KLF12: variants seen among roughly 807,000 people sequenced by gnomAD.
KLF12 encodes the protein KLF transcription factor 12.
KLF12 carries 9 observed loss-of-function variants against 37.8 expected under a neutral mutation model. The ratio of observed to expected loss-of-function variants is 0.24; its 90% CI spans 0.14 to 0.42. The LOEUF is 0.42. Ranked by LOEUF, KLF12 falls within the 10% of genes least tolerant of loss-of-function variation. The pLI is 1.00. For synonymous variants in KLF12, 208 were observed against 202.1 expected (o/e 1.03, Z -0.25); for missense variants, 411 against 516.0 (o/e 0.80, Z 1.97).
intron 1 of KLF12, among the ~76,000 whole-genome samples, chr13:74,017,915 A>G (rs1892741516): frequency 6.6e-6 from 1 of 152,080 alleles, no homozygotes; most frequent in Non-Finnish European, 1.5e-5. Context: ...GTCACCAAGG[A>G]GCACTGTCAT....
chr13:74,230,217 A>G, the KLF12 span, among the ~76,000 whole-genome samples: 1 of 152,086 alleles, frequency 6.6e-6, no homozygotes, highest in Non-Finnish European at 1.5e-5. Context: ...TGGTTTTATA[A>G]GGAGCTTCCC....
At chr13:74,278,236 G>A in the KLF12 span, among the ~76,000 whole-genome samples, 1 of 152,150 alleles carries the variant, frequency 6.6e-6, no homozygotes, top group Non-Finnish European at 1.5e-5. Context: ...CTCAGCCCTA[G>A]GAATCTGGTG....
At chr13:74,018,430 C>T (rs1332075693) in intron 1 of KLF12, among the ~76,000 whole-genome samples, 1 of 152,130 alleles carries the variant, frequency 6.6e-6, no homozygotes, top group Non-Finnish European at 1.5e-5. Flanking sequence ...TTGAAAAATA[C>T]TAAGTGACAT....
intron 6 of KLF12, among the ~76,000 whole-genome samples, chr13:73,761,004 A>G (rs1879512589): frequency 6.6e-6 from 1 of 152,204 alleles, no homozygotes; most frequent in African/African-American, 2.4e-5. Context: ...CAGCCTACAC[A>G]GACACACCAA....
intron 7 of KLF12, among the ~76,000 whole-genome samples, chr13:73,707,705 C>A (rs553885896): frequency 6.6e-6 from 1 of 152,178 alleles, no homozygotes; most frequent in Non-Finnish European, 1.5e-5. Context: ...AAGTTAAGAT[C>A]TAGCAACCAC....
At chr13:74,124,469 A>G (rs1877823588) in intron 1 of KLF12, among the ~76,000 whole-genome samples, 2 of 152,210 alleles carry the variant, frequency 1.3e-5, no homozygotes. Flanking sequence ...CATTATTTAA[A>G]AGATTTTTTT....
Position 74,013,776 on chromosome 13 carries a change from A to G in KLF12, c.-31-18723T>C, listed in dbSNP as rs531969891. Among the ~76,000 whole-genome samples the G allele has an allele frequency of 1.1e-4, 16 of 152,272 alleles. No homozygotes were observed. In the South Asian group the frequency reaches 2.9e-3, roughly 28 times the overall value. On this transcript the variant is annotated intron_variant, in intron 1 of 7. Coordinates refer to ENST00000377669, the MANE Select transcript of KLF12 (RefSeq NM_007249.5). ...TTAAAACGAACAGTATATTATGACT[A>G]TAGTTCAAAAGTCACATAAAATAAA...
chr13:74,030,545 A>G (rs1893087892), intron 1 of KLF12, among the ~76,000 whole-genome samples: 1 of 152,106 alleles, frequency 6.6e-6, no homozygotes, highest in African/African-American at 2.4e-5. Context: ...CTACTGTTTC[A>G]GAAAAAAACC....
chr13:74,248,595 C>T, the KLF12 span, among the ~76,000 whole-genome samples: 3 of 152,110 alleles, frequency 2.0e-5, no homozygotes, highest in African/African-American at 7.2e-5. Flanking sequence ...GAACTTATCT[C>T]ATCCAGTTTT....
intron 1 of KLF12, among the ~76,000 whole-genome samples, chr13:74,083,333 CTG>C (rs1445066584): frequency 6.6e-6 from 1 of 152,138 alleles, no homozygotes; most frequent in African/African-American, 2.4e-5. Flanking sequence ...TGGCAAAACA[CTG>C]TGTCTAAAAA....
chr13:73,795,122 C>A (rs535672124), intron 5 of KLF12, among the ~76,000 whole-genome samples: 13 of 152,122 alleles, frequency 8.5e-5, no homozygotes, highest in African/African-American at 2.7e-4. Flanking sequence ...AGAATTGGGA[C>A]GACATATGAG....
chr13:74,041,725 CA>C (rs1437806265), intron 1 of KLF12, among the ~76,000 whole-genome samples: 9 of 151,260 alleles, frequency 6.0e-5, no homozygotes, highest in Non-Finnish European at 1.3e-4. Context: ...CACACACACA[CA>C]CACACACCCC....
At chr13:74,299,608 CCT>C in the KLF12 span, among the ~76,000 whole-genome samples, 4 of 152,254 alleles carry the variant, frequency 2.6e-5, no homozygotes, top group African/African-American at 9.6e-5. Context: ...TACTTTCCCC[CCT>C]TTTTATAAAC....
At chr13:73,765,666 G>T (rs1421721079) in intron 5 of KLF12, among the ~76,000 whole-genome samples, 1 of 152,150 alleles carries the variant, frequency 6.6e-6, no homozygotes, top group Non-Finnish European at 1.5e-5. Flanking sequence ...ACTGGAAACA[G>T]CTTAAAGCTT....
the KLF12 span, among the ~76,000 whole-genome samples, chr13:74,217,504 A>G: frequency 0.26 from 39,967 of 152,010 alleles, 7,869 homozygotes; most frequent in African/African-American, 0.55. Context: ...AAAGGCAGGC[A>G]GATCACGAGG....
the KLF12 span, among the ~76,000 whole-genome samples, chr13:74,144,735 C>T: frequency 2.0e-4 from 30 of 152,180 alleles, no homozygotes; most frequent in East Asian, 2.5e-3. Context: ...ATAAATACAA[C>T]GGAGAATGTC....
At chr13:74,221,026 C>T in the KLF12 span, among the ~76,000 whole-genome samples, 1 of 145,042 alleles carries the variant, frequency 6.9e-6, no homozygotes, top group East Asian at 2.1e-4. Context: ...TTTTTTGAGA[C>T]AGAGTCTGGC....
At chr13:73,839,274 T>G (rs1884613844) in intron 4 of KLF12, among the ~76,000 whole-genome samples, 1 of 148,752 alleles carries the variant, frequency 6.7e-6, no homozygotes, top group Non-Finnish European at 1.5e-5. Context: ...TTTTTTTTTT[T>G]GTATTTTTGG....
chr13:74,030,577 C>T (rs1893088848), intron 1 of KLF12, among the ~76,000 whole-genome samples: 1 of 152,004 alleles, frequency 6.6e-6, no homozygotes, highest in South Asian at 2.1e-4. Flanking sequence ...TCCTCCCACG[C>T]TCTCTCTCAT....
Sources: gnomAD v4.1 joint callset for allele counts (sites outside exome capture counted in the v4.1 genomes callset) on GRCh38, gnomAD v4.1.1 for gene constraint, MANE v1.5 for transcripts, NCBI Gene and HGNC (gene_info 2026-07-23, HGNC 2026-07-21) for gene names.